Variants in RBFOX1 observed in about 807,000 individuals in gnomAD.
RBFOX1 encodes the protein RNA binding protein fox-1 homolog 1.
Under a neutral mutation model 57.7 loss-of-function variants are expected in RBFOX1, and 8 were observed. That is an observed-to-expected ratio of 0.14 (90% CI 0.08 to 0.25). The LOEUF (loss-of-function observed/expected upper bound fraction) is 0.25. RBFOX1 is among the 10% of genes least tolerant of loss of function. The pLI is 1.00. For synonymous variants in RBFOX1, 326 were observed against 222.4 expected (o/e 1.47, Z -4.15); for missense variants, 611 against 548.5 (o/e 1.11, Z -1.14).
chr16:6,310,224 T>C (rs1236186110), intron 1 of RBFOX1, among the ~76,000 whole-genome samples: 1 of 152,156 alleles, frequency 6.6e-6, no homozygotes, highest in African/African-American at 2.4e-5. Flanking sequence ...CATGTAAACC[T>C]TGGAATAGCG....
intron 4 of RBFOX1, among the ~76,000 whole-genome samples, chr16:7,092,672 C>T (rs1407061779): frequency 6.6e-6 from 1 of 152,168 alleles, no homozygotes; most frequent in Non-Finnish European, 1.5e-5. Context: ...CGGACTTGGG[C>T]ACTGTCTATG....
chr16:7,326,467 C>A (rs58732935), intron 4 of RBFOX1, among the ~76,000 whole-genome samples: 6,133 of 152,054 alleles, frequency 0.04, 378 homozygotes, highest in African/African-American at 0.13. Flanking sequence ...TGGTGGGGCA[C>A]TGAAGACAGA....
intron 10 of RBFOX1, among the ~76,000 whole-genome samples, chr16:7,618,035 C>T (rs1251164277): frequency 6.6e-6 from 1 of 151,932 alleles, no homozygotes; most frequent in Non-Finnish European, 1.5e-5. Context: ...GCTTGATCTT[C>T]ACCTGATACC....
chr16:7,411,362 A>C (rs2098423269), intron 4 of RBFOX1, among the ~76,000 whole-genome samples: 1 of 152,134 alleles, frequency 6.6e-6, no homozygotes, highest in Admixed American at 6.5e-5. Flanking sequence ...TTTCCCCGAC[A>C]GTGTATGGAA....
chr16:6,955,253 G>GA (rs557778632), intron 3 of RBFOX1, among the ~76,000 whole-genome samples: 1 of 151,616 alleles, frequency 6.6e-6, no homozygotes, highest in Admixed American at 6.6e-5. Flanking sequence ...AAGAAAAAAA[G>GA]AAAAAAAGAA....
rs3041577 is a variant in RBFOX1 at position 5,909,090 on chromosome 16, CT to C, written c.351+41775del. 6.9e-3 allele frequency among the ~76,000 whole-genome samples: 808 copies of C among 116,360 alleles called. 3 individuals carry two copies. The highest frequency in any genetic ancestry group is 8.4e-3 in the Non-Finnish European group (501 of 59,896). 76.3% of individuals were successfully genotyped at this position (116,360 alleles called of 152,430 possible). The stretch of plus-strand genomic sequence containing the variant: ...ATCGGCTCCAACAGACTAAGCCCCC[CT>C]TTTTTTTTTTTTTTTTTTTGAGACA... On this transcript the variant is annotated intron_variant, in intron 4 of 19. Transcript: ENST00000641259.
At chr16:6,355,269 T>G (rs1400443771) in intron 2 of RBFOX1, among the ~76,000 whole-genome samples, 1 of 152,148 alleles carries the variant, frequency 6.6e-6, no homozygotes, top group Non-Finnish European at 1.5e-5. Flanking sequence ...TTTCTCCTAA[T>G]GTTATCACTC....
At chr16:6,476,521 A>G (rs1293285381) in intron 2 of RBFOX1, among the ~76,000 whole-genome samples, 2 of 152,208 alleles carry the variant, frequency 1.3e-5, no homozygotes, top group Admixed American at 6.5e-5. Flanking sequence ...TATCTAAAAA[A>G]CGACGTGCAT....
intron 4 of RBFOX1, among the ~76,000 whole-genome samples, chr16:7,277,184 CTTTTA>C (rs573444430): frequency 5.2e-4 from 79 of 152,224 alleles, no homozygotes; most frequent in African/African-American, 1.7e-3. Context: ...AATTAACCGA[CTTTTA>C]TTTAATGATT....
chr16:7,327,352 A>G (rs2096624355), intron 4 of RBFOX1, among the ~76,000 whole-genome samples: 1 of 152,220 alleles, frequency 6.6e-6, no homozygotes. Flanking sequence ...GTATCGGAGG[A>G]TGAATTTGGA....
chr16:5,955,118 T>TAAAAAAAAAAAAAAAAAA lies in RBFOX1; in HGVS notation c.351+87793_351+87810dup, dbSNP rs34488881. On this transcript the variant is annotated intron_variant, in intron 4 of 19. Coordinates refer to the RBFOX1 transcript ENST00000641259. Reference sequence around the variant, plus strand: ...CAACAGGGTGAAACTCCATCTCTACTAAAAAAAAAAAAAAAAAAAAAAAAA... The same window carrying TAAAAAAAAAAAAAAAAAA: ...CAACAGGGTGAAACTCCATCTCTACTAAAAAAAAAAAAAAAAAAAAAAAAAAAAAAAAAAAAAAAAAAA... Among the ~76,000 whole-genome samples, 5 of 14,290 alleles carry TAAAAAAAAAAAAAAAAAA rather than the reference T, an allele frequency of 3.5e-4. 1 individual carries two copies. Among genetic ancestry groups the TAAAAAAAAAAAAAAAAAA allele is most frequent in the Non-Finnish European group, 5.4e-4 (5 of 9,232 alleles). The allele number at this position is 14,290 out of a possible 152,430, so 9.4% of individuals were successfully genotyped here. A position where few individuals can be genotyped will look rare whatever the true frequency, so the allele number is the denominator to read the frequency against.
chr16:7,428,376 G>A (rs1301362214), intron 4 of RBFOX1, among the ~76,000 whole-genome samples: 1 of 143,226 alleles, frequency 7.0e-6, no homozygotes, highest in Admixed American at 7.0e-5. Context: ...GCTCAGGCTG[G>A]AGTGCAATGG....
chr16:5,395,160 A>C (rs959334413), intron 1 of RBFOX1, among the ~76,000 whole-genome samples: 1 of 152,200 alleles, frequency 6.6e-6, no homozygotes, highest in African/African-American at 2.4e-5. Flanking sequence ...GCATGCCAGC[A>C]TCCCAGAGCA....
chr16:6,769,190 A>C (rs1315981436), intron 3 of RBFOX1, among the ~76,000 whole-genome samples: 1 of 152,120 alleles, frequency 6.6e-6, no homozygotes, highest in South Asian at 2.1e-4. Flanking sequence ...CATAAGCCTC[A>C]TGAGATCCGA....
intron 3 of RBFOX1, among the ~76,000 whole-genome samples, chr16:6,865,522 C>T (rs192995389): frequency 6.6e-6 from 1 of 152,032 alleles, no homozygotes; most frequent in Non-Finnish European, 1.5e-5. Context: ...TAATGACTTG[C>T]TACTATGCTG....
chr16:6,168,888 A>C (rs967956348), intron 1 of RBFOX1, among the ~76,000 whole-genome samples: 1 of 151,532 alleles, frequency 6.6e-6, no homozygotes, highest in Non-Finnish European at 1.5e-5. Context: ...TTTTTCGTCC[A>C]GGGAAGATGG....
At chr16:6,817,315 C>G (rs1037534958) in intron 3 of RBFOX1, among the ~76,000 whole-genome samples, 6 of 152,108 alleles carry the variant, frequency 3.9e-5, no homozygotes, top group Non-Finnish European at 7.4e-5. Flanking sequence ...CAAAGCCCCT[C>G]TCCCATGTAC....
chr16:5,376,393 T>C (rs907364459), intron 1 of RBFOX1, among the ~76,000 whole-genome samples: 6 of 152,042 alleles, frequency 3.9e-5, no homozygotes, highest in Non-Finnish European at 7.4e-5. Flanking sequence ...AGGTTGGGAT[T>C]CACCTGCTGT....
At chr16:6,835,085 G>A (rs78533367) in intron 3 of RBFOX1, among the ~76,000 whole-genome samples, 8,615 of 151,856 alleles carry the variant, frequency 0.057, 363 homozygotes, top group East Asian at 0.11. Context: ...TAGTAGAGAC[G>A]GGTTAGCCAG....
Sources: allele counts gnomAD v4.1 joint callset (sites outside exome capture counted in the v4.1 genomes callset), GRCh38; gene constraint gnomAD v4.1.1; transcripts MANE v1.5; gene names NCBI Gene and HGNC (gene_info 2026-07-23, HGNC 2026-07-21).